The following VWC2L variants were observed in gnomAD, a reference collection of about 807,000 sequenced individuals.
The protein encoded by VWC2L is von Willebrand factor C domain containing 2 like.
Under a neutral mutation model 21.6 loss-of-function variants are expected in VWC2L, and 10 were observed. That is an observed-to-expected ratio of 0.46 (90% confidence interval 0.29 to 0.78). The LOEUF (loss-of-function observed/expected upper bound fraction) is 0.78, where lower values mean the gene tolerates loss of function less well. Ranked by LOEUF, VWC2L falls within the 30% of genes least tolerant of loss-of-function variation. VWC2L has a pLI of 0.10. For missense variants in VWC2L, 209 were observed against 277.1 expected, an observed-to-expected ratio of 0.75 and a Z score of 1.74; for synonymous variants, 96 against 94.3, an observed-to-expected ratio of 1.02 and a Z score of -0.10.
intron 3 of VWC2L, among the ~76,000 whole-genome samples, chr2:214,478,513 GGCT>G (rs1423395725): frequency 6.6e-6 from 1 of 151,704 alleles, no homozygotes; most frequent in African/African-American, 2.4e-5. Context: ...AAAAAAGACT[GGCT>G]GCTGATTTTG....
intron 3 of VWC2L, among the ~76,000 whole-genome samples, chr2:214,473,018 T>C (rs1426855685): frequency 6.6e-6 from 1 of 152,244 alleles, no homozygotes; most frequent in African/African-American, 2.4e-5. Flanking sequence ...TTGAAATCAC[T>C]TTCCAGAAAT....
intron 3 of VWC2L, among the ~76,000 whole-genome samples, chr2:214,439,291 C>G (rs1304735162): frequency 6.6e-6 from 1 of 151,880 alleles, no homozygotes; most frequent in African/African-American, 2.4e-5. Context: ...TTTATTATGA[C>G]AGTATAACTG....
chr2:214,508,372 C>T (rs575932773), intron 3 of VWC2L, among the ~76,000 whole-genome samples: 11 of 152,190 alleles, frequency 7.2e-5, no homozygotes, highest in Non-Finnish European at 1.5e-4. Flanking sequence ...GAAGATGCTA[C>T]TGTCTCTCCC....
At chr2:214,567,975 G>A (rs150800276) in intron 3 of VWC2L, among the ~76,000 whole-genome samples, 235 of 152,236 alleles carry the variant, frequency 1.5e-3, no homozygotes, top group African/African-American at 5.6e-3. Flanking sequence ...AGAGAAAACT[G>A]GGGAGTCAGG....
At chr2:214,504,126 C>A (rs1357928415) in intron 3 of VWC2L, among the ~76,000 whole-genome samples, 4 of 152,126 alleles carry the variant, frequency 2.6e-5, no homozygotes. Flanking sequence ...AAGTACTAAA[C>A]AAAAATCAAA....
rs1423411592 is a variant in VWC2L, at chr2:214,549,101, T to A, written c.521-26571T>A. Among the ~76,000 whole-genome samples, 5 of 152,304 alleles carry A rather than the reference T, an allele frequency of 3.3e-5. No individual in the cohort carries two copies. In the East Asian group the frequency reaches 7.7e-4, roughly 23 times the overall value. ...CTCGGCTCAAGACTGTTTTGTCTCA[T>A]CCCTCCAGCTCCTTGCTTTCTTCCC... On this transcript the variant is annotated intron_variant, in intron 3 of 3. Coordinates refer to ENST00000312504, the MANE Select transcript of VWC2L (RefSeq NM_001080500.4).
At chr2:214,510,496 G>A (rs1218148266) in intron 3 of VWC2L, among the ~76,000 whole-genome samples, 1 of 152,096 alleles carries the variant, frequency 6.6e-6, no homozygotes, top group Non-Finnish European at 1.5e-5. Context: ...AAGGTACTTT[G>A]TGGTTCTGAG....
chr2:214,457,047 T>C (rs1013570207), intron 3 of VWC2L, among the ~76,000 whole-genome samples: 1 of 152,104 alleles, frequency 6.6e-6, no homozygotes, highest in Admixed American at 6.5e-5. Flanking sequence ...CTTTGAGTAT[T>C]CAGACTCCTT....
At chr2:214,423,429 A>G (rs1416934406) in intron 2 of VWC2L, among the ~76,000 whole-genome samples, 3 of 152,114 alleles carry the variant, frequency 2.0e-5, no homozygotes, top group Non-Finnish European at 2.9e-5. Context: ...AGCAGTATTA[A>G]TATGTCACTT....
At chr2:214,556,501 T>C (rs1271153412) in intron 3 of VWC2L, among the ~76,000 whole-genome samples, 1 of 152,122 alleles carries the variant, frequency 6.6e-6, no homozygotes, top group Non-Finnish European at 1.5e-5. Flanking sequence ...ACATGAAGGG[T>C]CACACACAGG....
intron 3 of VWC2L, among the ~76,000 whole-genome samples, chr2:214,564,595 G>A (rs955652787): frequency 3.3e-5 from 5 of 152,122 alleles, no homozygotes; most frequent in African/African-American, 7.2e-5. Flanking sequence ...TCAAAGAAAC[G>A]GGGAGTATTG....
At chr2:214,420,771 T>C (rs988727325) in intron 2 of VWC2L, among the ~76,000 whole-genome samples, 1 of 152,170 alleles carries the variant, frequency 6.6e-6, no homozygotes, top group African/African-American at 2.4e-5. Flanking sequence ...GCAAAGATAA[T>C]TGGGGATCTT....
At chr2:214,437,325 A>G (rs1702692669) in intron 3 of VWC2L, among the ~76,000 whole-genome samples, 1 of 152,156 alleles carries the variant, frequency 6.6e-6, no homozygotes, top group Non-Finnish European at 1.5e-5. Context: ...ACTGCTATAG[A>G]GAGCAACTTG....
intron 3 of VWC2L, among the ~76,000 whole-genome samples, chr2:214,561,398 T>C (rs982092500): frequency 6.6e-6 from 1 of 152,284 alleles, no homozygotes; most frequent in South Asian, 2.1e-4. Flanking sequence ...GTAGTAGAAA[T>C]ACTATGTGAG....
chr2:214,551,761 G>A (rs199505382), intron 3 of VWC2L, among the ~76,000 whole-genome samples: 1 of 152,150 alleles, frequency 6.6e-6, no homozygotes, highest in East Asian at 1.9e-4. Flanking sequence ...ACCAGCCTTT[G>A]GCTGTTGAGA....
At chr2:214,482,333 C>A (rs916705703) in intron 3 of VWC2L, among the ~76,000 whole-genome samples, 2 of 152,096 alleles carry the variant, frequency 1.3e-5, no homozygotes, top group Non-Finnish European at 2.9e-5. Flanking sequence ...CTAAAACACG[C>A]TACTCAATTC....
chr2:214,544,544 T>C (rs1045990927), intron 3 of VWC2L, among the ~76,000 whole-genome samples: 1 of 152,076 alleles, frequency 6.6e-6, no homozygotes, highest in Non-Finnish European at 1.5e-5. Flanking sequence ...CGCTTGTTAC[T>C]CCCTGATATA....
chr2:214,440,740 T>C (rs888573027), intron 3 of VWC2L, among the ~76,000 whole-genome samples: 1 of 152,136 alleles, frequency 6.6e-6, no homozygotes, highest in Admixed American at 6.6e-5. Context: ...GTTCATACAT[T>C]CTAATATTTT....
chr2:214,537,125 A>C (rs1689547446), intron 3 of VWC2L, among the ~76,000 whole-genome samples: 2 of 152,010 alleles, frequency 1.3e-5, no homozygotes, highest in South Asian at 4.1e-4. Context: ...TGTCCCTCTT[A>C]GATATACTCT....
Sources: allele counts gnomAD v4.1 joint callset (sites outside exome capture counted in the v4.1 genomes callset), GRCh38; gene constraint gnomAD v4.1.1; transcripts MANE v1.5; gene names NCBI Gene and HGNC (gene_info 2026-07-23, HGNC 2026-07-21).